Variants in DPP10 observed in about 807,000 individuals in gnomAD.
DPP10 encodes inactive dipeptidyl peptidase 10.
In DPP10, 33 loss-of-function variants were observed where a neutral mutation model predicts 120.9. That is an observed-to-expected ratio of 0.27 (90% CI 0.21 to 0.37). The LOEUF (loss-of-function observed/expected upper bound fraction) is 0.37. Among genes scored for constraint, DPP10 ranks in the 10% least tolerant of loss-of-function variants. DPP10 has a pLI of 1.00. For missense variants in DPP10, 816 were observed against 942.8 expected, an observed-to-expected ratio of 0.87 and a Z score of 1.76; for synonymous variants, 337 against 326.1, an observed-to-expected ratio of 1.03 and a Z score of -0.36.
intron 2 of DPP10, among the ~76,000 whole-genome samples, chr2:115,330,778 G>A (rs934325041): frequency 6.6e-6 from 1 of 151,880 alleles, no homozygotes; most frequent in South Asian, 2.1e-4. Flanking sequence ...CTGTTCCATT[G>A]GTCTATATCT....
chr2:114,729,660 G>A (rs984822484), intron 1 of DPP10, among the ~76,000 whole-genome samples: 1 of 152,208 alleles, frequency 6.6e-6, no homozygotes, highest in Non-Finnish European at 1.5e-5. Context: ...CAGAAATGTG[G>A]ATTTTCTAAA....
chr2:115,210,915 A>G (rs2056469298), intron 1 of DPP10, among the ~76,000 whole-genome samples: 1 of 152,164 alleles, frequency 6.6e-6, no homozygotes, highest in Non-Finnish European at 1.5e-5. Flanking sequence ...AAAAAAACTT[A>G]ATTAGAGATT....
At chr2:114,873,330 A>G (rs1217968469) in intron 1 of DPP10, among the ~76,000 whole-genome samples, 2 of 152,270 alleles carry the variant, frequency 1.3e-5, no homozygotes, top group Admixed American at 1.3e-4. Context: ...GCTAAAGAGG[A>G]TGAATGAGCC....
intron 3 of DPP10, among the ~76,000 whole-genome samples, chr2:115,395,457 A>C (rs2067615378): frequency 6.6e-6 from 1 of 152,170 alleles, no homozygotes; most frequent in African/African-American, 2.4e-5. Flanking sequence ...TCATCCCATA[A>C]TAACCTCCAA....
chr2:114,920,428 G>A (rs1310303580), intron 1 of DPP10, among the ~76,000 whole-genome samples: 7 of 152,194 alleles, frequency 4.6e-5, no homozygotes, highest in East Asian at 1.9e-4. Flanking sequence ...ATCTCCATAC[G>A]TGCTAGCACC....
At chr2:115,439,775 C>T (rs374398178) in intron 3 of DPP10, among the ~76,000 whole-genome samples, 65 of 152,112 alleles carry the variant, frequency 4.3e-4, no homozygotes, top group African/African-American at 1.3e-3. Flanking sequence ...CTGAGTTAGA[C>T]GGCAAAATAG....
At chr2:115,808,626 C>T (rs1686293686) in intron 19 of DPP10, among the ~76,000 whole-genome samples, 1 of 152,216 alleles carries the variant, frequency 6.6e-6, no homozygotes, top group East Asian at 1.9e-4. Flanking sequence ...TCTAAAGCCA[C>T]TGGACCTGGG....
At chr2:115,647,261 G>A (rs1180876915) in intron 5 of DPP10, among the ~76,000 whole-genome samples, 1 of 152,158 alleles carries the variant, frequency 6.6e-6, no homozygotes, top group African/African-American at 2.4e-5. Context: ...ATTACCCAGA[G>A]AAATGCCTTC....
chr2:114,512,744 G>T (rs1361977467), intron 1 of DPP10, among the ~76,000 whole-genome samples: 1 of 152,196 alleles, frequency 6.6e-6, no homozygotes, highest in Non-Finnish European at 1.5e-5. Context: ...AGCATATTTA[G>T]AACTGGATTT....
chr2:114,797,912 T>G (rs527553634), intron 1 of DPP10, among the ~76,000 whole-genome samples: 24 of 152,210 alleles, frequency 1.6e-4, no homozygotes, highest in Non-Finnish European at 3.2e-4. Context: ...AGGTAAATAC[T>G]ACCTTAACCA....
In DPP10 at chr2:115,785,857, TCC is replaced by T. The variant is rs1442486041; in HGVS notation, c.1531+3459_1531+3460del. On this transcript the variant is annotated intron_variant, in intron 17 of 25. Transcript: ENST00000410059. ...GATGTGGGTTTTTTTTTTTTCTTCC[TCC>T]TGTAGCTTTGGGATTGATTTGCTCT... is the stretch of plus-strand genomic sequence containing the variant. Among the ~76,000 whole-genome samples, 388 of 150,040 alleles carry T rather than the reference TCC, an allele frequency of 2.6e-3. 2 individuals are homozygous for T. Among genetic ancestry groups the T allele is most frequent in the African/African-American group, 9.1e-3 (377 of 41,270 alleles).
rs534529448 is a variant in DPP10 at position 115,811,240 on chromosome 2, G to A, written c.1701-3553G>A. Among the ~76,000 whole-genome samples, 3 of 152,248 alleles carry A rather than the reference G, an allele frequency of 2.0e-5. No homozygotes were observed. The South Asian group carries it at 6.2e-4, about 32-fold the overall frequency. ...AGAAACAACACCCAATTAGATCACAGAAATGGGTTCAAAAATCTTTGGTTC... is the reference window on the plus strand; with the variant it reads ...AGAAACAACACCCAATTAGATCACAAAAATGGGTTCAAAAATCTTTGGTTC... On this transcript the variant is annotated intron_variant, in intron 19 of 25. Coordinates refer to ENST00000410059, the MANE Select transcript of DPP10 (RefSeq NM_020868.6).
At chr2:114,486,041 T>C (rs1681488967) in intron 1 of DPP10, among the ~76,000 whole-genome samples, 1 of 152,174 alleles carries the variant, frequency 6.6e-6, no homozygotes, top group Admixed American at 6.6e-5. Context: ...GGAAGATTCG[T>C]TAGTGCCACA....
At chr2:115,328,210 T>A (rs74443866) in intron 2 of DPP10, among the ~76,000 whole-genome samples, 177 of 152,204 alleles carry the variant, frequency 1.2e-3, no homozygotes, top group Non-Finnish European at 2.0e-3. Flanking sequence ...TCAGGGTGTA[T>A]GTGTGTACAC....
intron 1 of DPP10, among the ~76,000 whole-genome samples, chr2:114,787,870 C>A (rs1682893615): frequency 6.6e-6 from 1 of 152,154 alleles, no homozygotes; most frequent in African/African-American, 2.4e-5. Flanking sequence ...AAATTCATTA[C>A]CTTCTTGCTA....
Position 115,462,091 on chromosome 2 carries a change from G to A in DPP10, c.272-37419G>A, listed in dbSNP as rs992804661. Among the ~76,000 whole-genome samples the A allele has an allele frequency of 4.6e-5, 7 of 152,078 alleles. No individual in the cohort carries two copies. The South Asian group carries it at 1.4e-3, about 31-fold the overall frequency. On this transcript the variant is annotated intron_variant, in intron 3 of 25. Transcript: ENST00000410059. ...TCCAAAGGTGCCTCAAGCTTAACAT[G>A]TTCAAAATTGAACTCCCTGTTGTTC...
At chr2:115,122,722 T>C (rs542742555) in intron 1 of DPP10, among the ~76,000 whole-genome samples, 3 of 152,312 alleles carry the variant, frequency 2.0e-5, no homozygotes, top group African/African-American at 7.2e-5. Context: ...GAATAGGCAG[T>C]GCAGGTTTTC....
At chr2:115,515,297 A>G in intron 4 of DPP10, among the ~76,000 whole-genome samples, 1 of 152,028 alleles carries the variant, frequency 6.6e-6, no homozygotes. Flanking sequence ...ATAATATCAA[A>G]TTTCATTAAT....
At chr2:115,165,218 A>G (rs2052745721) in intron 1 of DPP10, among the ~76,000 whole-genome samples, 1 of 152,162 alleles carries the variant, frequency 6.6e-6, no homozygotes, top group Non-Finnish European at 1.5e-5. Context: ...GTATTTTTCT[A>G]TTTGATTCTC....
Sources: allele counts gnomAD v4.1 joint callset (sites outside exome capture counted in the v4.1 genomes callset), GRCh38; gene constraint gnomAD v4.1.1; transcripts MANE v1.5; gene names NCBI Gene and HGNC (gene_info 2026-07-23, HGNC 2026-07-21).